CHD2: variants seen among roughly 807,000 people sequenced by gnomAD.
CHD2 encodes the protein chromodomain helicase DNA binding protein 2.
CHD2 carries 28 observed loss-of-function variants against 243.9 expected under a neutral mutation model. The ratio of observed to expected loss-of-function variants is 0.11; its 90% CI spans 0.09 to 0.16. The LOEUF is 0.16. Ranked by LOEUF, CHD2 falls within the 10% of genes least tolerant of loss-of-function variation. CHD2 has a pLI of 1.00. For synonymous variants in CHD2, 775 were observed against 779.0 expected (o/e 0.99, Z 0.09); for missense variants, 1,386 against 2,209.8 (o/e 0.63, Z 7.47).
chr15:92,910,569 T>C (rs573782267), intron 2 of CHD2, among the ~76,000 whole-genome samples: 1 of 152,230 alleles, frequency 6.6e-6, no homozygotes, highest in East Asian at 1.9e-4. Context: ...TACTTCTTAC[T>C]ATTTTTAGTA....
At chr15:92,924,838 G>A (rs907252822) in intron 3 of CHD2, among the ~76,000 whole-genome samples, 1 of 152,094 alleles carries the variant, frequency 6.6e-6, no homozygotes, top group African/African-American at 2.4e-5. Flanking sequence ...TTGCTCTGTT[G>A]CCCAGCCTGG....
intron 2 of CHD2, among the ~76,000 whole-genome samples, chr15:92,906,253 T>C (rs1163979150): frequency 1.3e-5 from 2 of 150,978 alleles, no homozygotes; most frequent in African/African-American, 2.4e-5. Context: ...TTCTCTCTCT[T>C]TCTCTCTCTC....
intron 23 of CHD2, 107 bp downstream of exon 23, chr15:92,981,018 T>G: frequency 1.3e-6 from 1 of 768,840 alleles, no homozygotes; most frequent in Non-Finnish European, 2.2e-6. Context: ...GAAAAAGTAA[T>G]TACTTGAAGG....
chr15:92,993,311 T>TCTG, intron 28 of CHD2: 1 of 263,846 alleles, frequency 3.8e-6, no homozygotes. Flanking sequence ...CACCTCTGTA[T>TCTG]TTTGGCTGCA....
At chr15:93,008,689 A>G (rs2054353010) in intron 34 of CHD2, among the ~76,000 whole-genome samples, 1 of 152,202 alleles carries the variant, frequency 6.6e-6, no homozygotes, top group Non-Finnish European at 1.5e-5. Context: ...AGGCAGAGAA[A>G]AGATGCTTGT....
chr15:92,991,362 C>T (rs2054117329), intron 26 of CHD2, 114 bp from the exon 27 acceptor site: 3 of 623,120 alleles, frequency 4.8e-6, no homozygotes, highest in East Asian at 3.0e-5. Flanking sequence ...GGATTGAGTC[C>T]ACTCTATTTT....
chr15:92,962,662 T>C (rs2053705796), intron 16 of CHD2, among the ~76,000 whole-genome samples: 1 of 150,928 alleles, frequency 6.6e-6, no homozygotes, highest in South Asian at 2.1e-4. Flanking sequence ...TTCAGTGTGG[T>C]GTTAATGGTG....
At chr15:92,955,338 G>A in intron 14 of CHD2, 85 bp from the exon 15 acceptor site, 1 of 743,376 alleles carries the variant, frequency 1.3e-6, no homozygotes, top group East Asian at 3.2e-5. Flanking sequence ...TATTTGGCAT[G>A]TTTCTATTAC....
chr15:93,023,686 T>A (rs2054560343), intron 38 of CHD2, among the ~76,000 whole-genome samples: 1 of 151,964 alleles, frequency 6.6e-6, no homozygotes, highest in Non-Finnish European at 1.5e-5. Flanking sequence ...TTTGTGTTTT[T>A]TTTTAATGAG....
intron 17 of CHD2, among the ~76,000 whole-genome samples, chr15:92,969,713 A>G (rs1320657778): frequency 6.6e-6 from 1 of 152,188 alleles, no homozygotes; most frequent in Non-Finnish European, 1.5e-5. Context: ...CATACTAAAA[A>G]TCTCACTTCC....
chr15:92,989,356 C>T (rs930459953), intron 26 of CHD2, among the ~76,000 whole-genome samples: 2 of 152,072 alleles, frequency 1.3e-5, no homozygotes, highest in African/African-American at 4.8e-5. Flanking sequence ...CTATATGTCC[C>T]GTAATTTTTC....
At chr15:92,966,998 C>T (rs1041763654) in intron 16 of CHD2, among the ~76,000 whole-genome samples, 20 of 151,992 alleles carry the variant, frequency 1.3e-4, no homozygotes, top group Non-Finnish European at 2.5e-4. Flanking sequence ...AGTACTGGCA[C>T]CAGCTATATC....
rs750454950 is a variant in CHD2, at chr15:93,024,726, G to C, written c.*21G>C. On this transcript the variant is annotated 3_prime_UTR_variant, in exon 39 of 39. Coordinates refer to ENST00000394196, the MANE Select transcript of CHD2 (RefSeq NM_001271.4). ...CATAAAGGACAGCTCGTAAAGGAGA[G>C]AGTAAGAGTCACCAAACACGTGGAT... 13 of 1,573,092 alleles carry C rather than the reference G, an allele frequency of 8.3e-6. No individual in the cohort carries two copies. Among genetic ancestry groups the C allele is most frequent in the Admixed American group, 1.8e-5 (1 of 54,608 alleles).
intron 3 of CHD2, among the ~76,000 whole-genome samples, chr15:92,926,823 A>C (rs777350572): frequency 6.6e-6 from 1 of 152,204 alleles, no homozygotes; most frequent in Non-Finnish European, 1.5e-5. Context: ...TTCTTACTTA[A>C]TTAGACTTAA....
chr15:93,024,883 G>T lies in CHD2; in HGVS notation c.*178G>T. 1.7e-6 allele frequency: 1 copy of T among 597,328 alleles called. No individual in the cohort carries two copies. The highest frequency in any genetic ancestry group is 3.4e-5 in the Admixed American group (1 of 29,498). 37.0% of individuals were successfully genotyped at this position (597,328 alleles called of 1,614,324 possible). On this transcript the variant is annotated 3_prime_UTR_variant, in exon 39 of 39. Coordinates refer to ENST00000394196, the MANE Select transcript of CHD2 (RefSeq NM_001271.4). ...GAGGCCTTTCACTGGGTCCAGCTCT[G>T]ATTCGGGTCACCACTCCTGCACTTT...
At chr15:92,912,921 A>G (rs1183931520) in intron 2 of CHD2, among the ~76,000 whole-genome samples, 1 of 152,182 alleles carries the variant, frequency 6.6e-6, no homozygotes, top group Non-Finnish European at 1.5e-5. Flanking sequence ...GCAATATATG[A>G]CTGGTGAATT....
chr15:92,948,811 C>T lies in CHD2; in HGVS notation c.1378-141C>T, dbSNP rs1288597663. The T allele has an allele frequency of 5.7e-6, 5 of 881,682 alleles. No homozygotes were observed. The Admixed American group carries it at 1.4e-4, about 25-fold the overall frequency. The allele number at this position is 881,682 out of a possible 1,614,324, so 54.6% of individuals were successfully genotyped here. A position where few individuals can be genotyped will look rare whatever the true frequency, so the allele number is the denominator to read the frequency against. On this transcript the variant is annotated intron_variant, in intron 12 of 38. Coordinates refer to ENST00000394196, the MANE Select transcript of CHD2 (RefSeq NM_001271.4). ...CCGAGATTGGGCCACTGCACTCCAG[C>T]CTGGGTGACAGAGCAAGACTCCGTC...
At position 92,978,281 on chromosome 15, in the gene CHD2, T is replaced by C; in HGVS notation, c.2625T>C (p.Asn875=). The C allele has an allele frequency of 6.2e-7, 1 of 1,614,208 alleles. No homozygotes were observed. Among genetic ancestry groups the C allele is most frequent in the Non-Finnish European group, 8.5e-7 (1 of 1,180,038 alleles). ...CAAGGGCTGGTGGCCTGGGAATCAA[T>C]TTGGCTTCAGCGGACACAGTCGTCA... ...LSTRAGGLGI[N]LASADTVVIF... is the part of the protein sequence containing the mutation. Residue 875 remains asparagine, a synonymous_variant, in exon 21 of 39, where the codon AAT becomes AAC. Coordinates refer to ENST00000394196, the MANE Select transcript of CHD2 (RefSeq NM_001271.4).
chr15:92,980,953 G>A, intron 23 of CHD2, 42 bp downstream of exon 23: 1 of 1,346,262 alleles, frequency 7.4e-7, no homozygotes, highest in Non-Finnish European at 1.1e-6. Context: ...TGAGAAGTAT[G>A]ATCTGTGAGA....
Sources: allele counts gnomAD v4.1 joint callset (sites outside exome capture counted in the v4.1 genomes callset), GRCh38; gene constraint gnomAD v4.1.1; transcripts MANE v1.5; gene names NCBI Gene and HGNC (gene_info 2026-07-23, HGNC 2026-07-21).